DYNC2I1: variants seen among roughly 807,000 people sequenced by gnomAD.
DYNC2I1 encodes the protein cytoplasmic dynein 2 intermediate chain 1.
DYNC2I1 carries 89 observed loss-of-function variants against 133.4 expected under a neutral mutation model. The ratio of observed to expected loss-of-function variants is 0.67; its 90% CI spans 0.56 to 0.80. The LOEUF (loss-of-function observed/expected upper bound fraction) is 0.80. Among genes scored for constraint, DYNC2I1 ranks in the 30% least tolerant of loss-of-function variants. The pLI, the probability that DYNC2I1 is intolerant of heterozygous loss-of-function variation, is 0.00. For synonymous variants in DYNC2I1, 504 were observed against 484.3 expected, an observed-to-expected ratio of 1.04 and a Z score of -0.54; for missense variants, 1,291 against 1,314.5, an observed-to-expected ratio of 0.98 and a Z score of 0.28.
intron 8 of DYNC2I1, among the ~76,000 whole-genome samples, chr7:158,899,179 A>G (rs1846009956): frequency 6.6e-6 from 1 of 152,146 alleles, no homozygotes; most frequent in African/African-American, 2.4e-5. Context: ...ACCTAATACA[A>G]TGTAAATGCT....
the DYNC2I1 span, among the ~76,000 whole-genome samples, chr7:158,851,410 C>T: frequency 8.5e-6 from 1 of 117,934 alleles, no homozygotes; most frequent in East Asian, 4.3e-4. Flanking sequence ...GTGGCTGGTG[C>T]CTGTAATCCC....
At chr7:158,922,289 A>AT (rs1010689973) in intron 15 of DYNC2I1, 88 bp from the exon 16 acceptor site, 373 of 1,358,666 alleles carry the variant, frequency 2.7e-4, no homozygotes, top group Admixed American at 4.0e-4. Flanking sequence ...ATGAAGCTGA[A>AT]TTTTTTTTTG....
chr7:158,897,885 G>A (rs1188956), intron 8 of DYNC2I1, among the ~76,000 whole-genome samples: 75,821 of 152,020 alleles, frequency 0.5, 21,145 homozygotes, highest in African/African-American at 0.75. Flanking sequence ...ATTCAACATT[G>A]TAAATTGCCC....
Position 158,887,576 on chromosome 7 carries a change from T to A in DYNC2I1, c.990+501T>A, listed in dbSNP as rs1183277279. ...AGGACAATATTTTATGGTAACAAAT[T>A]AGGTAATTTAGATGAAAGGACAAAT... On this transcript the variant is annotated intron_variant, in intron 7 of 24. Coordinates refer to ENST00000407559, the MANE Select transcript of DYNC2I1 (RefSeq NM_018051.5). Among the ~76,000 whole-genome samples, 18 of 152,280 alleles carry A rather than the reference T, an allele frequency of 1.2e-4. No individual in the cohort carries two copies. The South Asian group carries it at 3.5e-3, about 30-fold the overall frequency.
intron 1 of DYNC2I1, among the ~76,000 whole-genome samples, chr7:158,867,784 C>T (rs906550320): frequency 2.6e-5 from 4 of 152,034 alleles, no homozygotes; most frequent in East Asian, 3.9e-4. Flanking sequence ...TGTGCTATGG[C>T]GTCTCCCAGG....
chr7:158,914,141 G>C, intron 13 of DYNC2I1, 92 bp from the exon 14 acceptor site: 2 of 994,436 alleles, frequency 2.0e-6, no homozygotes, highest in Non-Finnish European at 2.9e-6. Context: ...TCTTAATGTT[G>C]ATTTGTTAGG....
In DYNC2I1 at chr7:158,865,835, G is replaced by A. The variant is rs185418400; in HGVS notation, c.16-4020G>A. Among the ~76,000 whole-genome samples the A allele has an allele frequency of 6.3e-4, 96 of 152,304 alleles. No homozygotes were observed. The Middle Eastern group carries it at 0.014, about 22-fold the overall frequency. On this transcript the variant is annotated intron_variant, in intron 1 of 24. Coordinates refer to ENST00000407559, the MANE Select transcript of DYNC2I1 (RefSeq NM_018051.5). The stretch of plus-strand genomic sequence containing the variant: ...ATGTGGTTTACATGTGGCAAGTGGG[G>A]ACCGACAGCACCGGGGCAGGGAAGT...
intron 11 of DYNC2I1, among the ~76,000 whole-genome samples, chr7:158,909,502 G>C (rs993324166): frequency 2.0e-5 from 3 of 152,068 alleles, no homozygotes; most frequent in African/African-American, 7.2e-5. Flanking sequence ...CATGAAAAAC[G>C]CTCCAGTGAT....
chr7:158,880,365 C>T (rs920516309), intron 5 of DYNC2I1, among the ~76,000 whole-genome samples: 3 of 151,974 alleles, frequency 2.0e-5, no homozygotes, highest in African/African-American at 7.3e-5. Flanking sequence ...GGTGAAACCC[C>T]GTCTCTACTA....
chr7:158,894,295 A>G (rs1199392001), intron 8 of DYNC2I1, among the ~76,000 whole-genome samples: 1 of 152,172 alleles, frequency 6.6e-6, no homozygotes, highest in Non-Finnish European at 1.5e-5. Flanking sequence ...ACTGCATATC[A>G]TACTGCATGT....
chr7:158,865,663 G>T (rs1369744543), intron 1 of DYNC2I1, among the ~76,000 whole-genome samples: 1 of 152,176 alleles, frequency 6.6e-6, no homozygotes, highest in Non-Finnish European at 1.5e-5. Flanking sequence ...CCAGGCTGGG[G>T]TTTGTTCCAC....
chr7:158,864,206 A>G (rs932433602), intron 1 of DYNC2I1, among the ~76,000 whole-genome samples: 1 of 152,062 alleles, frequency 6.6e-6, no homozygotes, highest in Non-Finnish European at 1.5e-5. Context: ...CTGGGCCTAA[A>G]CATTTAAAGG....
chr7:158,949,168 A>G (rs1201280062), downstream of DYNC2I1, among the ~76,000 whole-genome samples: 2 of 152,234 alleles, frequency 1.3e-5, no homozygotes, highest in Non-Finnish European at 2.9e-5. Flanking sequence ...TGGAGACTCA[A>G]CACCAGGAAC....
At chr7:158,913,387 A>G (rs1410600491) in intron 13 of DYNC2I1, among the ~76,000 whole-genome samples, 1 of 152,076 alleles carries the variant, frequency 6.6e-6, no homozygotes, top group African/African-American at 2.4e-5. Flanking sequence ...CACATTCCAA[A>G]CAACCACTGT....
At chr7:158,914,608 G>GC (rs112969799) in intron 14 of DYNC2I1, among the ~76,000 whole-genome samples, 3,060 of 152,286 alleles carry the variant, frequency 0.02, 91 homozygotes, top group African/African-American at 0.069. Context: ...CTATAGACTA[G>GC]CAGACACGAA....
At chr7:158,842,419 G>A in the DYNC2I1 span, among the ~76,000 whole-genome samples, 2 of 152,220 alleles carry the variant, frequency 1.3e-5, no homozygotes, top group African/African-American at 4.8e-5. Context: ...CCGACATAGT[G>A]TGACCTGGTT....
chr7:158,869,928 G>T lies in DYNC2I1; in HGVS notation c.69+20G>T. ...CTCTGGGTAATTATTGTAAAGATTT[G>T]GATTGGGATCTGTGCAGGACTCGTG... On this transcript the variant is annotated intron_variant, in intron 2 of 24. Transcript: ENST00000407559. The T allele has an allele frequency of 6.2e-7, 1 of 1,610,918 alleles. No homozygotes were observed. Among genetic ancestry groups the T allele is most frequent in the Non-Finnish European group, 8.5e-7 (1 of 1,177,400 alleles).
chr7:158,886,703 A>C (rs941505852), intron 6 of DYNC2I1, among the ~76,000 whole-genome samples: 2 of 152,128 alleles, frequency 1.3e-5, no homozygotes, highest in African/African-American at 4.8e-5. Context: ...TCCTGGGCTC[A>C]AGCAAACCTC....
At chr7:158,950,691 C>T (rs13245034), downstream of DYNC2I1, among the ~76,000 whole-genome samples, 30 of 135,760 alleles carry the variant, frequency 2.2e-4, no homozygotes, top group African/African-American at 6.4e-4. Context: ...TATACTGCAC[C>T]GGGACCAGCC....
Sources: gnomAD v4.1 joint callset for allele counts (sites outside exome capture counted in the v4.1 genomes callset) on GRCh38, gnomAD v4.1.1 for gene constraint, MANE v1.5 for transcripts, NCBI Gene and HGNC (gene_info 2026-07-23, HGNC 2026-07-21) for gene names.